Variants in BAIAP2L1 observed in about 807,000 individuals in gnomAD.
BAIAP2L1 encodes BAR/IMD domain containing adaptor protein 2 like 1.
BAIAP2L1 carries 35 observed loss-of-function variants against 66.3 expected under a neutral mutation model. The ratio of observed to expected loss-of-function variants is 0.53; its 90% CI spans 0.40 to 0.70. The LOEUF (loss-of-function observed/expected upper bound fraction) is 0.70. Ranked by LOEUF, BAIAP2L1 falls within the 30% of genes least tolerant of loss-of-function variation. The pLI is 0.00. For missense variants in BAIAP2L1, 622 were observed against 656.9 expected (o/e 0.95, Z 0.58); for synonymous variants, 269 against 248.7 (o/e 1.08, Z -0.77).
chr7:98,356,668 A>T lies in BAIAP2L1; in HGVS notation c.128-1540T>A, dbSNP rs917830390. On this transcript the variant is annotated intron_variant, in intron 2 of 13. Transcript: ENST00000005260. ...CGTGCCACCATTCCTGGCTAATTAA[A>T]AAAAAAAAAAAAAAAAAAATTGAAG... Among the ~76,000 whole-genome samples, 504 of 56,318 alleles carry T rather than the reference A, an allele frequency of 8.9e-3. 18 individuals carry two copies. The East Asian group carries it at 0.11, about 12-fold the overall frequency. 36.9% of individuals were successfully genotyped at this position (56,318 alleles called of 152,430 possible). A position where few individuals can be genotyped will look rare whatever the true frequency, so the allele number is the denominator to read the frequency against.
intron 1 of BAIAP2L1, among the ~76,000 whole-genome samples, chr7:98,380,720 C>T (rs1032253730): frequency 2.0e-5 from 3 of 147,976 alleles, no homozygotes; most frequent in Non-Finnish European, 4.5e-5. Flanking sequence ...CAAGCATAAG[C>T]CACCATATCC....
intron 12 of BAIAP2L1, among the ~76,000 whole-genome samples, chr7:98,297,250 A>G (rs540209095): frequency 2.0e-5 from 3 of 152,344 alleles, no homozygotes; most frequent in African/African-American, 7.2e-5. Context: ...CTGACCACCC[A>G]TCACTCGATG....
chr7:98,324,841 G>A (rs1017604374), intron 3 of BAIAP2L1, among the ~76,000 whole-genome samples: 1 of 152,184 alleles, frequency 6.6e-6, no homozygotes, highest in African/African-American at 2.4e-5. Flanking sequence ...TACAAATTTA[G>A]AGGAACCAGA....
rs771941614 is a variant in BAIAP2L1 at position 98,338,467 on chromosome 7, A to ATTCCCCT, written c.214+16568_214+16574dup. ...ACATGCCGTTAAGCAGCCATTCCCCATTCCCCTTTCTCGCATGAAGCCTCA... is the reference window on the plus strand; with the variant it reads ...ACATGCCGTTAAGCAGCCATTCCCCATTCCCCTTTCCCCTTTCTCGCATGAAGCCTCA... On this transcript the variant is annotated intron_variant, in intron 3 of 13. Transcript: ENST00000005260. Among the ~76,000 whole-genome samples, 61 of 150,536 alleles carry ATTCCCCT rather than the reference A, an allele frequency of 4.1e-4. No homozygotes were observed. In the South Asian group the frequency reaches 6.1e-3, roughly 15 times the overall value.
intron 1 of BAIAP2L1, among the ~76,000 whole-genome samples, chr7:98,377,466 C>G (rs1802659992): frequency 6.6e-6 from 1 of 152,196 alleles, no homozygotes; most frequent in Non-Finnish European, 1.5e-5. Flanking sequence ...CTCCCCAACA[C>G]TTGGTACTGT....
intron 8 of BAIAP2L1, among the ~76,000 whole-genome samples, chr7:98,311,077 A>T (rs1337457555): frequency 8.5e-5 from 13 of 152,202 alleles, no homozygotes; most frequent in Admixed American, 8.5e-4. Flanking sequence ...CCAGGTTCAA[A>T]GATCAGCAAA....
intron 1 of BAIAP2L1, among the ~76,000 whole-genome samples, chr7:98,384,871 G>A (rs1011777718): frequency 6.6e-6 from 1 of 151,924 alleles, no homozygotes; most frequent in East Asian, 1.9e-4. Flanking sequence ...GGTAATGTTT[G>A]TATTTTTAGT....
intron 3 of BAIAP2L1, among the ~76,000 whole-genome samples, chr7:98,340,959 GTTT>G (rs72057720): frequency 7.7e-6 from 1 of 129,566 alleles, no homozygotes; most frequent in Non-Finnish European, 1.6e-5. Context: ...CAGCTAATTG[GTTT>G]TTTTTTTTTT....
At chr7:98,358,975 T>G (rs575795931) in intron 2 of BAIAP2L1, among the ~76,000 whole-genome samples, 1 of 152,218 alleles carries the variant, frequency 6.6e-6, no homozygotes, top group South Asian at 2.1e-4. Flanking sequence ...TGAGAGGTGC[T>G]GGGCACTGGG....
At chr7:98,362,243 T>G in intron 2 of BAIAP2L1, 114 bp downstream of exon 2, 1 of 767,350 alleles carries the variant, frequency 1.3e-6, no homozygotes, top group Non-Finnish European at 2.1e-6. Context: ...AAATTCATTG[T>G]GAACAATTTT....
intron 1 of BAIAP2L1, chr7:98,386,228 T>C (rs1454391152): frequency 1.9e-6 from 3 of 1,545,824 alleles, no homozygotes; most frequent in East Asian, 4.5e-5. Flanking sequence ...TGAGCTTCAA[T>C]CATTGTCTGC....
At chr7:98,390,292 A>C (rs1259082848) in intron 1 of BAIAP2L1, among the ~76,000 whole-genome samples, 1 of 152,140 alleles carries the variant, frequency 6.6e-6, no homozygotes, top group Non-Finnish European at 1.5e-5. Flanking sequence ...AATTAGGTTT[A>C]TCTTTAAATG....
At chr7:98,298,727 T>C (rs1354085919) in intron 12 of BAIAP2L1, among the ~76,000 whole-genome samples, 3 of 152,188 alleles carry the variant, frequency 2.0e-5, no homozygotes, top group Non-Finnish European at 2.9e-5. Flanking sequence ...GGCATTTTGG[T>C]TAGGGAAAGC....
At chr7:98,385,763 T>A (rs555939382) in intron 1 of BAIAP2L1, 159 of 1,383,152 alleles carry the variant, frequency 1.1e-4, no homozygotes, top group Non-Finnish European at 1.5e-4. Context: ...CAAATAGCAC[T>A]CTTTATTTGC....
chr7:98,393,253 G>A (rs556466413), intron 1 of BAIAP2L1, among the ~76,000 whole-genome samples: 4 of 151,312 alleles, frequency 2.6e-5, no homozygotes, highest in African/African-American at 9.7e-5. Context: ...TGTTGGCTAG[G>A]CTGGTCTCAA....
At chr7:98,328,010 C>T (rs3779198) in intron 3 of BAIAP2L1, among the ~76,000 whole-genome samples, 1,903 of 151,060 alleles carry the variant, frequency 0.013, 27 homozygotes, top group South Asian at 0.04. Flanking sequence ...AGCAGAAACC[C>T]GAACATTGTT....
chr7:98,317,142 C>T lies in BAIAP2L1; in HGVS notation c.486+77G>A, dbSNP rs551687237. 2.6e-4 allele frequency: 407 copies of T among 1,586,614 alleles called. 7 individuals carry two copies. In the South Asian group the frequency reaches 3.9e-3, roughly 15 times the overall value. Reference sequence around the variant, plus strand: ...TGCTGGGATTACAGGCGTGAGCCACCGCACCCGGCTAACCTCCTCTTAAAC... The same window carrying T: ...TGCTGGGATTACAGGCGTGAGCCACTGCACCCGGCTAACCTCCTCTTAAAC... On this transcript the variant is annotated intron_variant, in intron 6 of 13. Coordinates refer to ENST00000005260, the MANE Select transcript of BAIAP2L1 (RefSeq NM_018842.5).
At chr7:98,299,707 A>T (rs1562963741) in intron 12 of BAIAP2L1, among the ~76,000 whole-genome samples, 1 of 152,144 alleles carries the variant, frequency 6.6e-6, no homozygotes, top group Non-Finnish European at 1.5e-5. Context: ...ATCTATTCCT[A>T]ACTGTCCAAT....
At chr7:98,360,227 C>T (rs1310652257) in intron 2 of BAIAP2L1, among the ~76,000 whole-genome samples, 2 of 152,058 alleles carry the variant, frequency 1.3e-5, no homozygotes, top group East Asian at 1.9e-4. Context: ...CTGGCCTGAG[C>T]TAATTTTTAA....
Sources: allele counts gnomAD v4.1 joint callset (sites outside exome capture counted in the v4.1 genomes callset), GRCh38; gene constraint gnomAD v4.1.1; transcripts MANE v1.5; gene names NCBI Gene and HGNC (gene_info 2026-07-23, HGNC 2026-07-21).